MTMR2: variants seen among roughly 807,000 people sequenced by gnomAD.
MTMR2 encodes myotubularin related protein 2.
Under a neutral mutation model 86.9 loss-of-function variants are expected in MTMR2, and 55 were observed. That is an observed-to-expected ratio of 0.63 (90% CI 0.51 to 0.79). The LOEUF (loss-of-function observed/expected upper bound fraction) is 0.79, where lower values mean the gene tolerates loss of function less well. Among genes scored for constraint, MTMR2 ranks in the 30% least tolerant of loss-of-function variants. MTMR2 has a pLI of 0.00. For synonymous variants in MTMR2, 241 were observed against 266.8 expected (o/e 0.90, Z 0.94); for missense variants, 659 against 772.3 (o/e 0.85, Z 1.74).
chr11:95,855,973 ACTTT>A (rs2135458114), intron 7 of MTMR2, among the ~76,000 whole-genome samples: 1 of 152,336 alleles, frequency 6.6e-6, no homozygotes, highest in African/African-American at 2.4e-5. Flanking sequence ...TGGACTGTAT[ACTTT>A]AAAACAGTAA....
intron 14 of MTMR2, among the ~76,000 whole-genome samples, chr11:95,835,710 T>C (rs1008308587): frequency 6.6e-6 from 1 of 152,034 alleles, no homozygotes; most frequent in Admixed American, 6.6e-5. Context: ...ATACAACAAA[T>C]AATTAACAAG....
At chr11:95,921,045 G>A (rs1327268151) in intron 1 of MTMR2, among the ~76,000 whole-genome samples, 1 of 152,106 alleles carries the variant, frequency 6.6e-6, no homozygotes, top group Admixed American at 6.5e-5. Flanking sequence ...AATAATAAAA[G>A]TACTTAAAGA....
Position 95,881,407 on chromosome 11 carries a change from T to A in MTMR2, c.186+6749A>T, listed in dbSNP as rs139399192. ...TGCCAAGTTCTGCAAAACAAACTTT[T>A]GAATTTTTTTGGAATTATATTCAAT... On this transcript the variant is annotated intron_variant, in intron 2 of 14. Coordinates refer to ENST00000346299, the MANE Select transcript of MTMR2 (RefSeq NM_016156.6). 6.2e-3 allele frequency among the ~76,000 whole-genome samples: 947 copies of A among 152,254 alleles called. 13 individuals carry two copies. Among genetic ancestry groups the A allele is most frequent in the African/African-American group, 0.021 (876 of 41,580 alleles).
At chr11:95,890,455 G>A (rs1461600780) in intron 1 of MTMR2, among the ~76,000 whole-genome samples, 4 of 152,250 alleles carry the variant, frequency 2.6e-5, no homozygotes, top group African/African-American at 9.6e-5. Flanking sequence ...TTGTGGCTAG[G>A]AGAGCCACGT....
At chr11:95,868,379 GA>G (rs1338078930) in intron 2 of MTMR2, among the ~76,000 whole-genome samples, 2 of 149,470 alleles carry the variant, frequency 1.3e-5, no homozygotes, top group African/African-American at 4.9e-5. Flanking sequence ...TGAAACAAGA[GA>G]AATGAATGAG....
At chr11:95,855,795 T>A (rs2135457683) in intron 7 of MTMR2, among the ~76,000 whole-genome samples, 1 of 152,302 alleles carries the variant, frequency 6.6e-6, no homozygotes, top group South Asian at 2.1e-4. Context: ...GTGGTATCTA[T>A]CACCAAGTAA....
Position 95,832,967 on chromosome 11 carries a change from A to G in MTMR2, c.*2323T>C, listed in dbSNP as rs1267805018. The stretch of plus-strand genomic sequence containing the variant: ...GTAGACATGTGAATTGTTCATTCCA[A>G]TATAATGTGAATTGCAGTGGTAGTA... On this transcript the variant is annotated 3_prime_UTR_variant, in exon 15 of 15. Coordinates refer to ENST00000346299, the MANE Select transcript of MTMR2 (RefSeq NM_016156.6). 6.6e-6 allele frequency: 1 copy of G among 152,156 alleles called. No homozygotes were observed. Among genetic ancestry groups the G allele is most frequent in the African/African-American group, 2.4e-5 (1 of 41,436 alleles). The allele number at this position is 152,156 out of a possible 1,614,324, so 9.4% of individuals were successfully genotyped here.
At chr11:95,838,767 G>T (rs1207124781) in intron 12 of MTMR2, among the ~76,000 whole-genome samples, 1 of 151,998 alleles carries the variant, frequency 6.6e-6, no homozygotes, top group Non-Finnish European at 1.5e-5. Context: ...AGAGTCCCTT[G>T]TAAGCCACTA....
chr11:95,893,262 A>C (rs1019208487), intron 1 of MTMR2, among the ~76,000 whole-genome samples: 1 of 152,122 alleles, frequency 6.6e-6, no homozygotes, highest in Non-Finnish European at 1.5e-5. Context: ...CCACTTCAGC[A>C]ATGTGCATCT....
rs1863192882 is a variant in MTMR2 at position 95,834,967 on chromosome 11, A to T, written c.*323T>A. On this transcript the variant is annotated 3_prime_UTR_variant, in exon 15 of 15. Coordinates refer to ENST00000346299, the MANE Select transcript of MTMR2 (RefSeq NM_016156.6). ...AGAGTGTATTTCTAAAATGGTTTTA[A>T]TATTACCAGATGCCAAAAATTTGTA... 2.8e-6 allele frequency: 1 copy of T among 354,458 alleles called. No individual in the cohort carries two copies. Among genetic ancestry groups the T allele is most frequent in the African/African-American group, 2.1e-5 (1 of 47,610 alleles). 22.0% of individuals were successfully genotyped at this position (354,458 alleles called of 1,614,324 possible). A position where few individuals can be genotyped will look rare whatever the true frequency, so the allele number is the denominator to read the frequency against.
intron 1 of MTMR2, among the ~76,000 whole-genome samples, chr11:95,891,860 G>C (rs1284483251): frequency 1.3e-5 from 2 of 151,984 alleles, no homozygotes; most frequent in African/African-American, 4.8e-5. Flanking sequence ...GGGAGGGAGA[G>C]AGAGTGCACA....
chr11:95,847,977 A>T (rs1355737701), intron 9 of MTMR2, 78 bp from the exon 10 acceptor site: 1 of 1,321,226 alleles, frequency 7.6e-7, no homozygotes, highest in African/African-American at 1.4e-5. Flanking sequence ...ATCCAATAGC[A>T]TAAAAGATGA....
At chr11:95,870,053 C>A (rs1864795483) in intron 2 of MTMR2, among the ~76,000 whole-genome samples, 2 of 151,898 alleles carry the variant, frequency 1.3e-5, no homozygotes, top group Admixed American at 6.6e-5. Context: ...AATTTTATAT[C>A]AAAAGAAAAA....
chr11:95,858,641 G>T lies in MTMR2; in HGVS notation c.469-9C>A, dbSNP rs779741464. 15 of 1,524,242 alleles carry T rather than the reference G, an allele frequency of 9.8e-6. No homozygotes were observed. The highest frequency in any genetic ancestry group is 2.2e-5 in the South Asian group (2 of 89,576). The allele number at this position is 1,524,242 out of a possible 1,614,324, so 94.4% of individuals were successfully genotyped here. On this transcript the variant is annotated splice_polypyrimidine_tract_variant and intron_variant, in intron 5 of 14. Coordinates refer to ENST00000346299, the MANE Select transcript of MTMR2 (RefSeq NM_016156.6). ...CGTAAATTCCTAATATCCTAGAAAAGATTTAGGAACCAAGTTAATAATTGT... is the reference window on the plus strand; with the variant it reads ...CGTAAATTCCTAATATCCTAGAAAATATTTAGGAACCAAGTTAATAATTGT...
intron 7 of MTMR2, among the ~76,000 whole-genome samples, chr11:95,853,068 A>C (rs946660747): frequency 4.0e-5 from 6 of 148,938 alleles, no homozygotes; most frequent in Non-Finnish European, 7.4e-5. Context: ...TACACAGTTC[A>C]CTGTACTTTT....
chr11:95,851,055 CTTTTTTTTTTT>C (rs55809121), intron 7 of MTMR2, among the ~76,000 whole-genome samples: 3 of 93,396 alleles, frequency 3.2e-5, no homozygotes, highest in Non-Finnish European at 5.8e-5. Context: ...TCAAATATTC[CTTTTTTTTTTT>C]TTTTTTTTTT....
chr11:95,900,286 G>A (rs1866023567), intron 1 of MTMR2, among the ~76,000 whole-genome samples: 1 of 152,130 alleles, frequency 6.6e-6, no homozygotes, highest in Non-Finnish European at 1.5e-5. Context: ...TTACAGCTAG[G>A]TGACAGCTAA....
At chr11:95,868,831 C>G (rs747805464) in intron 2 of MTMR2, among the ~76,000 whole-genome samples, 32 of 150,918 alleles carry the variant, frequency 2.1e-4, no homozygotes, top group Admixed American at 1.3e-3. Flanking sequence ...TTCTACAAGA[C>G]AATAACAAAA....
chr11:95,843,601 C>T (rs1863644232), intron 11 of MTMR2, among the ~76,000 whole-genome samples: 1 of 152,028 alleles, frequency 6.6e-6, no homozygotes, highest in South Asian at 2.1e-4. Flanking sequence ...GTTAGATATT[C>T]TTCATATACT....
Sources: gnomAD v4.1 joint callset for allele counts (sites outside exome capture counted in the v4.1 genomes callset) on GRCh38, gnomAD v4.1.1 for gene constraint, MANE v1.5 for transcripts, NCBI Gene and HGNC (gene_info 2026-07-23, HGNC 2026-07-21) for gene names.